The following CPNE5 variants were observed in gnomAD, a reference collection of about 807,000 sequenced individuals.
CPNE5 encodes copine 5.
In CPNE5, 42 loss-of-function variants were observed where a neutral mutation model predicts 81.1. That is an observed-to-expected ratio of 0.52 (90% CI 0.40 to 0.67). The LOEUF (loss-of-function observed/expected upper bound fraction) is 0.67, where lower values mean the gene tolerates loss of function less well. Ranked by LOEUF, CPNE5 falls within the 30% of genes least tolerant of loss-of-function variation. The probability of loss-of-function intolerance (pLI) is 0.00; values close to 1 mark genes in which losing one functional copy is unlikely to be tolerated. For synonymous variants in CPNE5, 313 were observed against 321.5 expected, an observed-to-expected ratio of 0.97 and a Z score of 0.28; for missense variants, 612 against 815.5, an observed-to-expected ratio of 0.75 and a Z score of 3.04.
At chr6:36,820,618 C>A (rs1037128537) in intron 3 of CPNE5, among the ~76,000 whole-genome samples, 2 of 152,016 alleles carry the variant, frequency 1.3e-5, no homozygotes, top group African/African-American at 4.8e-5. Flanking sequence ...AAAATCTCTG[C>A]CCTTGTGGAG....
intron 8 of CPNE5, among the ~76,000 whole-genome samples, chr6:36,786,905 T>C (rs1768603942): frequency 6.6e-6 from 1 of 152,120 alleles, no homozygotes; most frequent in South Asian, 2.1e-4. Flanking sequence ...TATTTTCCAA[T>C]TTGTCCATAA....
chr6:36,789,979 G>A (rs1358016997), intron 8 of CPNE5, among the ~76,000 whole-genome samples: 3 of 152,140 alleles, frequency 2.0e-5, no homozygotes, highest in African/African-American at 7.2e-5. Context: ...GTGTTCGTGT[G>A]TCTTATTCTT....
At chr6:36,743,407 G>GA (rs1174998731) in intron 20 of CPNE5, among the ~76,000 whole-genome samples, 1 of 152,264 alleles carries the variant, frequency 6.6e-6, no homozygotes, top group Admixed American at 6.5e-5. Context: ...TGACCACAGA[G>GA]GCCTGGAGGC....
chr6:36,747,753 A>G (rs1764340888), intron 15 of CPNE5, among the ~76,000 whole-genome samples: 1 of 152,232 alleles, frequency 6.6e-6, no homozygotes, highest in Non-Finnish European at 1.5e-5. Context: ...CTGACACTGG[A>G]GAAATTGGGA....
chr6:36,760,430 G>A (rs566342119), intron 12 of CPNE5, among the ~76,000 whole-genome samples: 73 of 152,146 alleles, frequency 4.8e-4, no homozygotes, highest in Non-Finnish European at 8.8e-4. Flanking sequence ...GGGGAGCGAT[G>A]TGATCAGATC....
chr6:36,744,080 T>G (rs1562080996), intron 19 of CPNE5, among the ~76,000 whole-genome samples, 188 bp downstream of exon 19: 2 of 152,244 alleles, frequency 1.3e-5, no homozygotes. Flanking sequence ...TGACACACCC[T>G]TCCCTGAGCA....
At position 36,741,444 on chromosome 6, in the gene CPNE5, CT is replaced by C. The variant is rs1043170788; in HGVS notation, c.*823del. ...GCAGGAGCAGTGTGGGAACGTGGGG[CT>C]GAGCCACTCCTTACTCAGGCCTCCA... is the stretch of plus-strand genomic sequence containing the variant. On this transcript the variant is annotated 3_prime_UTR_variant, in exon 21 of 21. Coordinates refer to ENST00000244751, the MANE Select transcript of CPNE5 (RefSeq NM_020939.2). 24 of 152,348 alleles carry C rather than the reference CT, an allele frequency of 1.6e-4. No individual in the cohort carries two copies. Among genetic ancestry groups the C allele is most frequent in the African/African-American group, 5.5e-4 (23 of 41,530 alleles). 9.4% of individuals were successfully genotyped at this position (152,348 alleles called of 1,614,324 possible).
At chr6:36,744,618 T>A (rs1763923951) in intron 18 of CPNE5, 2 of 509,830 alleles carry the variant, frequency 3.9e-6, no homozygotes, top group Non-Finnish European at 7.1e-6. Context: ...GACCACCGGC[T>A]TGGGGAGCCA....
chr6:36,782,102 T>C (rs1439188415), intron 8 of CPNE5, among the ~76,000 whole-genome samples: 3 of 152,002 alleles, frequency 2.0e-5, no homozygotes, highest in Non-Finnish European at 2.9e-5. Context: ...GAAATAGCCA[T>C]CTCTTGTGGG....
intron 14 of CPNE5, among the ~76,000 whole-genome samples, chr6:36,750,532 G>A (rs75327994): frequency 0.082 from 12,480 of 152,244 alleles, 634 homozygotes; most frequent in Non-Finnish European, 0.11. Flanking sequence ...GAATGACTGC[G>A]TGGATCATCT....
At chr6:36,783,522 TTC>T (rs35764239) in intron 8 of CPNE5, among the ~76,000 whole-genome samples, 67,596 of 150,230 alleles carry the variant, frequency 0.45, 16,432 homozygotes, top group African/African-American at 0.63. Flanking sequence ...TTCAGACAGG[TTC>T]TCTCTCTCTC....
rs548646786 is a variant in CPNE5, at chr6:36,766,338, G to C, written c.738-962C>G. Among the ~76,000 whole-genome samples the C allele has an allele frequency of 1.3e-5, 2 of 152,320 alleles. No homozygotes were observed. Among genetic ancestry groups the C allele is most frequent in the African/African-American group, 4.8e-5 (2 of 41,560 alleles). On this transcript the variant is annotated intron_variant, in intron 10 of 20. Transcript: ENST00000244751. This position sits in a 1 kb window ranked among gnomAD's most constrained non-coding sequence, Gnocchi z 4.2. ...TGTGGCCCCTCCAGGAGGAGGCGCT[G>C]TCTCCTTTCAGATGAGCATCCTCAG...
At chr6:36,794,294 T>A (rs1245247154) in intron 7 of CPNE5, among the ~76,000 whole-genome samples, 1 of 151,858 alleles carries the variant, frequency 6.6e-6, no homozygotes, top group Non-Finnish European at 1.5e-5. Context: ...CCGCTATTCA[T>A]AGACAACATC....
At chr6:36,798,064 C>T (rs1769755030) in intron 6 of CPNE5, 101 bp downstream of exon 6, 5 of 827,044 alleles carry the variant, frequency 6.0e-6, no homozygotes, top group Non-Finnish European at 1.0e-5. Context: ...CTGCAGATGC[C>T]AGTCATAGCC....
chr6:36,747,288 T>C (rs1764288381), intron 15 of CPNE5, among the ~76,000 whole-genome samples: 1 of 152,014 alleles, frequency 6.6e-6, no homozygotes, highest in Non-Finnish European at 1.5e-5. Flanking sequence ...CAATATAGTC[T>C]GTATTTAACT....
chr6:36,829,812 C>CAAAAAA (rs35015008), intron 1 of CPNE5, among the ~76,000 whole-genome samples: 1 of 66,972 alleles, frequency 1.5e-5, no homozygotes, highest in African/African-American at 6.9e-5. Flanking sequence ...GGCTCCATCT[C>CAAAAAA]AAAAAAAAAA....
chr6:36,829,604 G>A (rs1772805287), intron 1 of CPNE5, among the ~76,000 whole-genome samples: 1 of 152,052 alleles, frequency 6.6e-6, no homozygotes, highest in African/African-American at 2.4e-5. Flanking sequence ...CTTGAGGTCA[G>A]GAGTTCGAGA....
chr6:36,742,171 A>T lies in CPNE5; in HGVS notation c.*97T>A. 1 of 942,546 alleles carries T rather than the reference A, an allele frequency of 1.1e-6. No individual in the cohort carries two copies. Among genetic ancestry groups the T allele is most frequent in the Non-Finnish European group, 1.6e-6 (1 of 640,054 alleles). 58.4% of individuals were successfully genotyped at this position (942,546 alleles called of 1,614,324 possible). A position where few individuals can be genotyped will look rare whatever the true frequency, so the allele number is the denominator to read the frequency against. On this transcript the variant is annotated 3_prime_UTR_variant, in exon 21 of 21. Coordinates refer to ENST00000244751, the MANE Select transcript of CPNE5 (RefSeq NM_020939.2). The stretch of plus-strand genomic sequence containing the variant: ...AGCCTCCCAGGCACACAGATGTCCC[A>T]AAGGCCGGGCAGGCCAACTTCGGGG...
intron 10 of CPNE5, among the ~76,000 whole-genome samples, chr6:36,774,041 C>A (rs1460768985): frequency 6.6e-6 from 1 of 150,814 alleles, no homozygotes; most frequent in Non-Finnish European, 1.5e-5. Context: ...GAAAATGTCC[C>A]TTCACTCCAG....
Sources: gnomAD v4.1 joint callset for allele counts (sites outside exome capture counted in the v4.1 genomes callset) on GRCh38, gnomAD v4.1.1 for gene constraint, Gnocchi (gnomAD v3.1) non-coding constraint, MANE v1.5 for transcripts, NCBI Gene and HGNC (gene_info 2026-07-23, HGNC 2026-07-21) for gene names.